The following MTMR2 variants were observed in gnomAD, a reference collection of about 807,000 sequenced individuals.
MTMR2 encodes the protein phosphatidylinositol-3,5-bisphosphate 3-phosphatase MTMR2.
A neutral mutation model predicts 86.9 loss-of-function variants in MTMR2; 55 were observed. That is an observed-to-expected ratio of 0.63 (90% CI 0.51 to 0.79). The LOEUF is 0.79. MTMR2 is among the 30% of genes least tolerant of loss of function. The probability of loss-of-function intolerance (pLI) is 0.00; values close to 1 mark genes in which losing one functional copy is unlikely to be tolerated. For missense variants in MTMR2, 659 were observed against 772.3 expected, an observed-to-expected ratio of 0.85 and a Z score of 1.74; for synonymous variants, 241 against 266.8, an observed-to-expected ratio of 0.90 and a Z score of 0.94.
Position 95,835,197 on chromosome 11 carries a change from T to C in MTMR2, c.*93A>G, listed in dbSNP as rs1177103263. 3.1e-6 allele frequency: 4 copies of C among 1,301,854 alleles called. No homozygotes were observed. Among genetic ancestry groups the C allele is most frequent in the African/African-American group, 2.9e-5 (2 of 68,396 alleles). 80.6% of individuals were successfully genotyped at this position (1,301,854 alleles called of 1,614,324 possible). Reference sequence around the variant, plus strand: ...AATAAAGTGACTGAACTTTCTCTCATAGATGGGTTCTAAATTCCGAAGACT... The same window carrying C: ...AATAAAGTGACTGAACTTTCTCTCACAGATGGGTTCTAAATTCCGAAGACT... On this transcript the variant is annotated 3_prime_UTR_variant, in exon 15 of 15. Coordinates refer to ENST00000346299, the MANE Select transcript of MTMR2 (RefSeq NM_016156.6).
At position 95,847,851 on chromosome 11, in the gene MTMR2, G is replaced by T. The variant is rs766977235; in HGVS notation, c.1042C>A (p.Leu348Ile). Residue 348 changes from leucine (L) to isoleucine (I), a missense_variant, in exon 10 of 15, where the codon CTA (leucine) becomes ATA (isoleucine). By Grantham distance (5) the Leu-to-Ile change is conservative. This residue lies in a region of MTMR2 where 387 missense variants were observed against 526.3 expected (regional missense o/e 0.74). Transcript: ENST00000346299. ...ESEDAYQNAE[L>I]VFLDIHNIHV... ...ATATTGTGGATATCCAGGAAAACTAGTTCAGCATTTTGATAGGCATCTTCA... is the reference window on the plus strand; with the variant it reads ...ATATTGTGGATATCCAGGAAAACTATTTCAGCATTTTGATAGGCATCTTCA... The T allele has an allele frequency of 6.8e-6, 11 of 1,613,638 alleles. No homozygotes were observed. The highest frequency in any genetic ancestry group is 4.2e-6 in the Non-Finnish European group (5 of 1,179,780).
intron 3 of MTMR2, among the ~76,000 whole-genome samples, chr11:95,865,212 T>C (rs920337748): frequency 6.6e-6 from 1 of 152,128 alleles, no homozygotes; most frequent in Non-Finnish European, 1.5e-5. Flanking sequence ...TTAAGAAAAA[T>C]TACTTGTATA....
intron 13 of MTMR2, among the ~76,000 whole-genome samples, chr11:95,836,681 T>C (rs1863301015): frequency 6.6e-6 from 1 of 151,788 alleles, no homozygotes; most frequent in Admixed American, 6.6e-5. Context: ...GTAAAATATA[T>C]CCACACAATG....
chr11:95,882,253 T>A lies in MTMR2; in HGVS notation c.186+5903A>T, dbSNP rs531989292. 4.0e-5 allele frequency: 6 copies of A among 151,686 alleles called. No homozygotes were observed. In the East Asian group the frequency reaches 1.2e-3, roughly 30 times the overall value. 9.4% of individuals were successfully genotyped at this position (151,686 alleles called of 1,614,324 possible). On this transcript the variant is annotated intron_variant, in intron 2 of 14. Transcript: ENST00000346299. The stretch of plus-strand genomic sequence containing the variant: ...TGGCTCACGCCTGTAATCCCAACAC[T>A]CTCGGGGGGGCCGAGGTGGGCGGAT...
intron 10 of MTMR2, 135 bp from the exon 11 acceptor site, chr11:95,845,294 AT>A (rs954112910): frequency 1.2e-6 from 1 of 812,564 alleles, no homozygotes; most frequent in Non-Finnish European, 2.0e-6. Context: ...CCTAAGAAGA[AT>A]TTTTTTAAAT....
intron 2 of MTMR2, among the ~76,000 whole-genome samples, chr11:95,869,175 T>C (rs1591004539): frequency 6.6e-6 from 1 of 150,642 alleles, no homozygotes; most frequent in Non-Finnish European, 1.5e-5. Context: ...CCTTAAAAGT[T>C]AGCAACTATG....
At chr11:95,872,051 G>A (rs1246143137) in intron 2 of MTMR2, among the ~76,000 whole-genome samples, 3 of 152,182 alleles carry the variant, frequency 2.0e-5, no homozygotes, top group African/African-American at 7.2e-5. Context: ...TTGTAGATAT[G>A]TGTGATGCCT....
At chr11:95,915,709 A>G (rs184954663) in intron 1 of MTMR2, among the ~76,000 whole-genome samples, 9 of 152,312 alleles carry the variant, frequency 5.9e-5, no homozygotes, top group Admixed American at 2.0e-4. Flanking sequence ...AACCCGATGC[A>G]ACATTCTAGA....
chr11:95,857,763 T>G (rs1265663212), intron 6 of MTMR2, 128 bp from the exon 7 acceptor site: 1 of 669,520 alleles, frequency 1.5e-6, no homozygotes, highest in Non-Finnish European at 2.7e-6. Context: ...TTAGCATCCT[T>G]TTTTGTATTA....
At chr11:95,872,379 A>G (rs1394365351) in intron 2 of MTMR2, among the ~76,000 whole-genome samples, 1 of 152,140 alleles carries the variant, frequency 6.6e-6, no homozygotes, top group African/African-American at 2.4e-5. Flanking sequence ...TTCTCTTTGA[A>G]GCAACTGTGA....
intron 7 of MTMR2, among the ~76,000 whole-genome samples, chr11:95,857,151 T>TAA (rs1864243610): frequency 1.3e-5 from 2 of 152,090 alleles, no homozygotes. Flanking sequence ...AAATGCTACG[T>TAA]TTGAAATTTA....
intron 9 of MTMR2, among the ~76,000 whole-genome samples, chr11:95,848,513 ATAT>A (rs1315237024): frequency 6.6e-6 from 1 of 152,166 alleles, no homozygotes; most frequent in Non-Finnish European, 1.5e-5. Flanking sequence ...GAATGAGAAA[ATAT>A]TTGGTGTTCA....
intron 10 of MTMR2, among the ~76,000 whole-genome samples, chr11:95,847,482 C>T (rs2135433128): frequency 6.6e-6 from 1 of 152,156 alleles, no homozygotes; most frequent in Non-Finnish European, 1.5e-5. Flanking sequence ...GGTTCGAATT[C>T]AGATAGGATG....
chr11:95,895,254 T>C (rs1865844612), intron 1 of MTMR2, among the ~76,000 whole-genome samples: 1 of 151,952 alleles, frequency 6.6e-6, no homozygotes, highest in Non-Finnish European at 1.5e-5. Context: ...GCTGTTTTTA[T>C]AGGTCAGATG....
At chr11:95,844,857 A>AT in intron 11 of MTMR2, 96 bp downstream of exon 11, 1 of 1,139,960 alleles carries the variant, frequency 8.8e-7, no homozygotes, top group Non-Finnish European at 1.3e-6. Context: ...TAAATGATCA[A>AT]TTTCAGATGA....
chr11:95,844,208 T>A (rs892988695), intron 11 of MTMR2, among the ~76,000 whole-genome samples: 5 of 152,316 alleles, frequency 3.3e-5, no homozygotes, highest in Admixed American at 6.5e-5. Flanking sequence ...GAGTTTGTTT[T>A]AAATGGCCGT....
Position 95,862,108 on chromosome 11 carries a change from G to T in MTMR2, c.358-6C>A. 6.3e-7 allele frequency: 1 copy of T among 1,585,446 alleles called. No homozygotes were observed. Among genetic ancestry groups the T allele is most frequent in the Non-Finnish European group, 8.6e-7 (1 of 1,156,946 alleles). ...TCTAAAACAAATGGGGGATCCTAAA[G>T]AAGGAAAGAAAAAATAATTAAAACT... On this transcript the variant is annotated splice_polypyrimidine_tract_variant and splice_region_variant and intron_variant, in intron 4 of 14. Coordinates refer to ENST00000346299, the MANE Select transcript of MTMR2 (RefSeq NM_016156.6).
At chr11:95,867,133 G>A (rs1864643918) in intron 2 of MTMR2, among the ~76,000 whole-genome samples, 1 of 151,980 alleles carries the variant, frequency 6.6e-6, no homozygotes, top group African/African-American at 2.4e-5. Context: ...AAATATCAGA[G>A]TATACCGAAA....
chr11:95,910,001 A>T (rs1344915859), intron 1 of MTMR2, among the ~76,000 whole-genome samples: 1 of 152,098 alleles, frequency 6.6e-6, no homozygotes, highest in Admixed American at 6.6e-5. Flanking sequence ...GCACTAGGAA[A>T]ATTGAATATA....
Sources: allele counts gnomAD v4.1 joint callset (sites outside exome capture counted in the v4.1 genomes callset), GRCh38; gene constraint gnomAD v4.1.1; regional missense constraint gnomAD v4.1.1; transcripts MANE v1.5; gene names NCBI Gene and HGNC (gene_info 2026-07-23, HGNC 2026-07-21).